WDR36: variants seen among roughly 807,000 people sequenced by gnomAD.
WDR36 encodes the protein WD repeat domain 36.
WDR36 carries 63 observed loss-of-function variants against 112.7 expected under a neutral mutation model. That is an observed-to-expected ratio of 0.56 (90% confidence interval 0.46 to 0.69). The LOEUF (loss-of-function observed/expected upper bound fraction) is 0.69, where lower values mean the gene tolerates loss of function less well. WDR36 is among the 30% of genes least tolerant of loss of function. The pLI is 0.00. For synonymous variants in WDR36, 410 were observed against 362.2 expected, an observed-to-expected ratio of 1.13 and a Z score of -1.50; for missense variants, 1,226 against 1,070.3, an observed-to-expected ratio of 1.15 and a Z score of -2.03.
chr5:111,126,650 T>C, intron 22 of WDR36, 84 bp from the exon 23 acceptor site: 3 of 1,439,416 alleles, frequency 2.1e-6, no homozygotes, highest in Admixed American at 1.7e-5. Context: ...GTGTCTTTTG[T>C]GGTTCCTTGG....
chr5:111,092,461 A>T lies in WDR36; in HGVS notation c.5A>T (p.Glu2Val). M[E>V]RASERRTASA... is the part of the protein sequence containing the mutation. Reference sequence around the variant, plus strand: ...GGAGCTGGGATCGCGGCGGCAATGGAACGGGCCTCAGAAAGGCGCACGGCC... The same window carrying T: ...GGAGCTGGGATCGCGGCGGCAATGGTACGGGCCTCAGAAAGGCGCACGGCC... Residue 2 changes from glutamate to valine, a missense_variant, in exon 1 of 23, where the codon GAA (glutamate) becomes GTA (valine). By Grantham distance (121) the Glu-to-Val change is moderately radical. Coordinates refer to ENST00000513710, the MANE Select transcript of WDR36 (RefSeq NM_139281.3). 1 of 1,614,204 alleles carries T rather than the reference A, an allele frequency of 6.2e-7. No individual in the cohort carries two copies.
Position 111,113,046 on chromosome 5 carries a change from ATATATATTTTTTTT to A in WDR36, c.1717-26_1717-13del, listed in dbSNP as rs2112580759. The A allele has an allele frequency of 4.7e-6, 2 of 429,032 alleles. No homozygotes were observed. The highest frequency in any genetic ancestry group is 6.5e-5 in the East Asian group (1 of 15,454). The allele number at this position is 429,032 out of a possible 1,614,324, so 26.6% of individuals were successfully genotyped here. A position where few individuals can be genotyped will look rare whatever the true frequency, so the allele number is the denominator to read the frequency against. On this transcript the variant is annotated splice_polypyrimidine_tract_variant and intron_variant, in intron 15 of 22. Transcript: ENST00000513710. ...ATTTATATATAAATAATATATATAT[ATATATATTTTTTTT>A]TTTTAATTTAAAGGCTTTTAGTCCT...
chr5:111,130,048 G>C lies in WDR36; in HGVS notation c.*3165G>C, dbSNP rs1314381161. The stretch of plus-strand genomic sequence containing the variant: ...ATTACTTTGGTATGTTCTCAGATTT[G>C]GGTAAAGCCTTCCTCATGTTCTATA... On this transcript the variant is annotated 3_prime_UTR_variant, in exon 23 of 23. Coordinates refer to ENST00000513710, the MANE Select transcript of WDR36 (RefSeq NM_139281.3). 4.7e-6 allele frequency: 1 copy of C among 212,112 alleles called. No homozygotes were observed. The highest frequency in any genetic ancestry group is 5.9e-5 in the Admixed American group (1 of 17,028). The allele number at this position is 212,112 out of a possible 1,614,324, so 13.1% of individuals were successfully genotyped here.
chr5:111,111,292 T>G lies in WDR36; in HGVS notation c.1716+14T>G. 4 of 1,597,360 alleles carry G rather than the reference T, an allele frequency of 2.5e-6. No individual in the cohort carries two copies. Among genetic ancestry groups the G allele is most frequent in the Non-Finnish European group, 3.4e-6 (4 of 1,165,252 alleles). ...ATAAATGACATGGTAAAACAAACTC[T>G]AACTAATAAAACTTGACTCATTTCT... On this transcript the variant is annotated intron_variant, in intron 15 of 22. Transcript: ENST00000513710.
Position 111,098,759 on chromosome 5 carries a change from A to G in WDR36, c.329A>G (p.His110Arg). 6.2e-7 allele frequency: 1 copy of G among 1,612,466 alleles called. No homozygotes were observed. The highest frequency in any genetic ancestry group is 8.5e-7 in the Non-Finnish European group (1 of 1,178,726). Residue 110 changes from histidine (H) to arginine (R), a missense_variant, in exon 4 of 23, where the codon CAT becomes CGT. By Grantham distance (29) the His-to-Arg change is conservative. Transcript: ENST00000513710. ...HTFKGHKAEI[H>R]FLQPFGDHII... is the part of the protein sequence containing the mutation. ...TTTAAGGGTCATAAGGCAGAAATCC[A>G]TTTCTTGCAACCCTTTGGAGACCAC... is the stretch of plus-strand genomic sequence containing the variant.
intron 8 of WDR36, 32 bp downstream of exon 8, chr5:111,104,384 TC>T: frequency 6.2e-7 from 1 of 1,610,940 alleles, no homozygotes; most frequent in Non-Finnish European, 8.5e-7. Context: ...TCTTCCTGGC[TC>T]ATCTAACTTA....
intron 6 of WDR36, among the ~76,000 whole-genome samples, chr5:111,102,802 A>T (rs1219252362): frequency 1.3e-5 from 2 of 151,646 alleles, no homozygotes; most frequent in African/African-American, 4.8e-5. Context: ...CCAAAATCCT[A>T]ATGTTTGATT....
chr5:111,120,524 T>G lies in WDR36; in HGVS notation c.1933T>G (p.Ser645Ala). 6.2e-7 allele frequency: 1 copy of G among 1,613,112 alleles called. No individual in the cohort carries two copies. The change falls in exon 18 of 23, where the codon TCA becomes GCA. Residue 645 changes from serine (S) to alanine (A), a missense_variant. Physicochemically the swap from Ser to Ala is moderately conservative, Grantham distance 99. Coordinates refer to ENST00000513710, the MANE Select transcript of WDR36 (RefSeq NM_139281.3). ...CAATATTTCCCTGTATTCAGTTGTT[T>G]CATTACGGCCACTTCCTGCAGATTA... ...WSNISLYSVV[S>A]LRPLPADYVP...
rs1023905919 is a variant in WDR36 at position 111,096,758 on chromosome 5, C to T, written c.191-321C>T. 2.6e-5 allele frequency among the ~76,000 whole-genome samples: 4 copies of T among 151,706 alleles called. No homozygotes were observed. In the South Asian group the frequency reaches 8.3e-4, roughly 32 times the overall value. ...ACGTGAAGACTGGATGACTATCTGT[C>T]AGAGCTTTGTGTTTCAAATGACAGT... On this transcript the variant is annotated intron_variant, in intron 2 of 22. Coordinates refer to ENST00000513710, the MANE Select transcript of WDR36 (RefSeq NM_139281.3).
At chr5:111,122,307 C>T (rs931607026) in intron 19 of WDR36, among the ~76,000 whole-genome samples, 1 of 152,088 alleles carries the variant, frequency 6.6e-6, no homozygotes, top group South Asian at 2.1e-4. Flanking sequence ...TACTGTGGTC[C>T]TCACTAAGAT....
chr5:111,105,213 A>G, intron 9 of WDR36, 82 bp from the exon 10 acceptor site: 1 of 1,438,140 alleles, frequency 7.0e-7, no homozygotes, highest in South Asian at 1.2e-5. Context: ...AGATTTTCAA[A>G]TTGAATTTTA....
rs1410474537 is a variant in WDR36, at chr5:111,110,964, A to C, written c.1607+11A>C. ...GCTACATAGGGACAGGTAAACTTTT[A>C]ATGATAATGGATTTTCTCTTTGATT... On this transcript the variant is annotated intron_variant, in intron 14 of 22. Coordinates refer to ENST00000513710, the MANE Select transcript of WDR36 (RefSeq NM_139281.3). 2 of 1,610,492 alleles carry C rather than the reference A, an allele frequency of 1.2e-6. No homozygotes were observed. The highest frequency in any genetic ancestry group is 2.7e-5 in the African/African-American group (2 of 74,778).
chr5:111,107,383 A>G lies in WDR36; in HGVS notation c.1270A>G (p.Ile424Val), dbSNP rs747513953. The change falls in exon 12 of 23, where the codon ATA becomes GTA. Residue 424 changes from isoleucine to valine, a missense_variant. Ile to Val is a conservative substitution (Grantham distance 29, BLOSUM62 3). Transcript: ENST00000513710. Reference sequence around the variant, plus strand: ...AACCTGGAATTATCAGAAATCTACAATAGGCGCTTACTTTCTCAAGCCAAA... The same window carrying G: ...AACCTGGAATTATCAGAAATCTACAGTAGGCGCTTACTTTCTCAAGCCAAA... ...CSTWNYQKST[I>V]GAYFLKPKEL... 6.2e-6 allele frequency: 10 copies of G among 1,610,486 alleles called. No individual in the cohort carries two copies. The Admixed American group carries it at 8.4e-5, about 14-fold the overall frequency.
chr5:111,125,783 A>G lies in WDR36; in HGVS notation c.2526A>G (p.Ala842=), dbSNP rs143259642. The change falls in exon 22 of 23, where the codon GCA becomes GCG. Residue 842 remains alanine, a synonymous_variant. Transcript: ENST00000513710. ...RDFELAQAYL[A]LFLKLHLKML... is the part of the protein sequence containing the mutation. ...TTGAGTTAGCCCAGGCATACCTTGC[A>G]TTGTTTCTAAAGGTAAGTCTAATGT... 93 of 1,613,602 alleles carry G rather than the reference A, an allele frequency of 5.8e-5. No homozygotes were observed. In the African/African-American group the frequency reaches 9.6e-4, roughly 17 times the overall value.
chr5:111,109,553 G>A (rs1753285988), intron 12 of WDR36, among the ~76,000 whole-genome samples: 1 of 150,972 alleles, frequency 6.6e-6, no homozygotes, highest in Admixed American at 6.6e-5. Context: ...ACACACATTG[G>A]CAATCAGTTA....
At chr5:111,111,098 A>G in intron 14 of WDR36, 72 bp from the exon 15 acceptor site, 1 of 1,560,736 alleles carries the variant, frequency 6.4e-7, no homozygotes, top group East Asian at 2.2e-5. Context: ...TGATTTAACA[A>G]AATTCAAGTG....
At position 111,105,440 on chromosome 5, in the gene WDR36, A is replaced by G. The variant is rs553560536; in HGVS notation, c.1093+80A>G. The G allele has an allele frequency of 2.7e-5, 35 of 1,311,614 alleles. No individual in the cohort carries two copies. The South Asian group carries it at 3.7e-4, about 14-fold the overall frequency. The allele number at this position is 1,311,614 out of a possible 1,614,324, so 81.2% of individuals were successfully genotyped here. On this transcript the variant is annotated intron_variant, in intron 10 of 22. Coordinates refer to ENST00000513710, the MANE Select transcript of WDR36 (RefSeq NM_139281.3). ...CTATGAAACAACTGGAGGAAGTTTCATCAATGCATTTTATTTTTTCTTGGA... is the reference window on the plus strand; with the variant it reads ...CTATGAAACAACTGGAGGAAGTTTCGTCAATGCATTTTATTTTTTCTTGGA...
Position 111,092,530 on chromosome 5 carries a change from A to T in WDR36, c.74A>T (p.Asn25Ile), listed in dbSNP as rs763068629. The change falls in exon 1 of 23, where the codon AAC (asparagine) becomes ATC (isoleucine). Residue 25 changes from asparagine (N) to isoleucine (I), a missense_variant. Asn to Ile is a moderately radical substitution (Grantham distance 149). Coordinates refer to ENST00000513710, the MANE Select transcript of WDR36 (RefSeq NM_139281.3). Reference sequence around the variant, plus strand: ...TTCCGGGCCTTGGGACTTTTCAGCAACGACATTCCACACGTGGTGCGGTTC... The same window carrying T: ...TTCCGGGCCTTGGGACTTTTCAGCATCGACATTCCACACGTGGTGCGGTTC... ...AGFRALGLFSNDIPHVVRFSA... is the reference protein window; with the variant it reads ...AGFRALGLFSIDIPHVVRFSA... 1 of 1,614,218 alleles carries T rather than the reference A, an allele frequency of 6.2e-7. No homozygotes were observed. Among genetic ancestry groups the T allele is most frequent in the South Asian group, 1.1e-5 (1 of 91,084 alleles).
At chr5:111,104,499 CA>C in intron 8 of WDR36, 147 bp downstream of exon 8, 1 of 1,384,028 alleles carries the variant, frequency 7.2e-7, no homozygotes, top group Non-Finnish European at 1.0e-6. Flanking sequence ...AAAAGCACAG[CA>C]GGTGACATGA....
Sources: gnomAD v4.1 joint callset for allele counts (sites outside exome capture counted in the v4.1 genomes callset) on GRCh38, gnomAD v4.1.1 for gene constraint, MANE v1.5 for transcripts, NCBI Gene and HGNC (gene_info 2026-07-23, HGNC 2026-07-21) for gene names.